The following ATP2B2 variants were observed in gnomAD, a reference collection of about 807,000 sequenced individuals.
ATP2B2 encodes plasma membrane calcium-transporting ATPase 2.
ATP2B2 carries 15 observed loss-of-function variants against 120.0 expected under a neutral mutation model. The ratio of observed to expected loss-of-function variants is 0.12; its 90% CI spans 0.08 to 0.19. The LOEUF is 0.19. Among genes scored for constraint, ATP2B2 ranks in the 10% least tolerant of loss-of-function variants. ATP2B2 has a pLI of 1.00. For missense variants in ATP2B2, 1,045 were observed against 1,719.8 expected (o/e 0.61, Z 6.94); for synonymous variants, 694 against 700.3 (o/e 0.99, Z 0.14).
At chr3:10,569,706 G>T (rs1467434343) in intron 2 of ATP2B2, among the ~76,000 whole-genome samples, 2 of 152,136 alleles carry the variant, frequency 1.3e-5, no homozygotes, top group Non-Finnish European at 2.9e-5. Context: ...GGGCTCAGGT[G>T]TAACACTCTG....
chr3:10,681,979 C>G (rs561112185), intron 1 of ATP2B2, among the ~76,000 whole-genome samples: 99 of 152,286 alleles, frequency 6.5e-4, no homozygotes, highest in African/African-American at 2.3e-3. Context: ...GTAGGGCGAT[C>G]AGAGATACCT....
Position 10,565,756 on chromosome 3 carries a change from T to C in ATP2B2, c.-414-31623A>G, listed in dbSNP as rs531504619. On this transcript the variant is annotated intron_variant, in intron 2 of 21. Transcript: ENST00000646379. ...CTTGGCTTCACCTATTGCTAGCTGG[T>C]GACTTGGCTAAGTTACTTCAACAAA... Among the ~76,000 whole-genome samples, 8 of 152,294 alleles carry C rather than the reference T, an allele frequency of 5.3e-5. No individual in the cohort carries two copies. The Middle Eastern group carries it at 0.02, about 389-fold the overall frequency.
intron 3 of ATP2B2, among the ~76,000 whole-genome samples, chr3:10,529,974 C>A (rs4684709): frequency 0.27 from 41,432 of 152,070 alleles, 5,794 homozygotes; most frequent in East Asian, 0.33. Flanking sequence ...AGTCAGCCTC[C>A]CCATCCTCGG....
intron 22 of ATP2B2, among the ~76,000 whole-genome samples, chr3:10,331,742 G>GGGCGT (rs2059986375): frequency 6.8e-6 from 1 of 146,514 alleles, no homozygotes; most frequent in African/African-American, 2.6e-5. Flanking sequence ...AGCTGCATTT[G>GGGCGT]GGCGTGGGGG....
At chr3:10,571,523 C>T (rs1299723922) in intron 2 of ATP2B2, among the ~76,000 whole-genome samples, 1 of 152,198 alleles carries the variant, frequency 6.6e-6, no homozygotes, top group Non-Finnish European at 1.5e-5. Context: ...GTGAGCAAGG[C>T]ATGGACATGG....
chr3:10,669,138 A>T (rs2071026642), intron 1 of ATP2B2, among the ~76,000 whole-genome samples: 1 of 152,160 alleles, frequency 6.6e-6, no homozygotes, highest in Non-Finnish European at 1.5e-5. Flanking sequence ...AGTCCTTGAG[A>T]AACCAGGGTT....
intron 1 of ATP2B2, among the ~76,000 whole-genome samples, chr3:10,493,297 G>A (rs1486177371): frequency 1.3e-5 from 2 of 152,130 alleles, no homozygotes; most frequent in African/African-American, 4.8e-5. Context: ...GCCTTAATGA[G>A]GAATTACCAC....
chr3:10,374,347 A>T (rs2061325379), intron 11 of ATP2B2, among the ~76,000 whole-genome samples: 1 of 152,198 alleles, frequency 6.6e-6, no homozygotes, highest in African/African-American at 2.4e-5. Flanking sequence ...TAAAACAGGA[A>T]GACGATAAGG....
intron 2 of ATP2B2, among the ~76,000 whole-genome samples, chr3:10,557,892 C>T (rs907744847): frequency 2.0e-5 from 3 of 152,028 alleles, no homozygotes; most frequent in Non-Finnish European, 4.4e-5. Context: ...GGAGGGCAAA[C>T]TCGAAGATCA....
At chr3:10,349,496 C>T (rs1258959202) in intron 16 of ATP2B2, among the ~76,000 whole-genome samples, 1 of 151,886 alleles carries the variant, frequency 6.6e-6, no homozygotes, top group Admixed American at 6.6e-5. Flanking sequence ...GTGCCCAGGA[C>T]CTGGCCACCT....
At chr3:10,461,422 G>A (rs958179446) in intron 1 of ATP2B2, among the ~76,000 whole-genome samples, 2 of 152,238 alleles carry the variant, frequency 1.3e-5, no homozygotes, top group African/African-American at 4.8e-5. Flanking sequence ...AGGAGCAGCT[G>A]AGAGCACGTG....
In ATP2B2 at chr3:10,382,910, C is replaced by T. The variant is rs191927252; in HGVS notation, c.1000+2358G>A. On this transcript the variant is annotated intron_variant, in intron 8 of 22. Coordinates refer to ENST00000360273, the MANE Select transcript of ATP2B2 (RefSeq NM_001001331.4). ...CTCAGAGGAAGGAGGGGAAAGAACACTTAATTCTCTCTCAATCGGCAAGGT... is the reference window on the plus strand; with the variant it reads ...CTCAGAGGAAGGAGGGGAAAGAACATTTAATTCTCTCTCAATCGGCAAGGT... 3.3e-5 allele frequency among the ~76,000 whole-genome samples: 5 copies of T among 151,774 alleles called. No individual in the cohort carries two copies. In the East Asian group the frequency reaches 9.7e-4, roughly 29 times the overall value.
At chr3:10,395,390 ATCAATGTCAAG>A in intron 5 of ATP2B2, among the ~76,000 whole-genome samples, 1 of 152,334 alleles carries the variant, frequency 6.6e-6, no homozygotes, top group Admixed American at 6.5e-5. Flanking sequence ...ACAGTACCGA[ATCAATGTCAAG>A]TTTCCTGAAT....
intron 1 of ATP2B2, among the ~76,000 whole-genome samples, chr3:10,632,831 C>T (rs990056939): frequency 6.6e-6 from 1 of 152,204 alleles, no homozygotes; most frequent in African/African-American, 2.4e-5. Flanking sequence ...GTGGTGACAG[C>T]CCCGGAATAG....
chr3:10,488,782 A>T (rs1559403503), intron 1 of ATP2B2, among the ~76,000 whole-genome samples: 1 of 151,492 alleles, frequency 6.6e-6, no homozygotes, highest in Non-Finnish European at 1.5e-5. Context: ...ATCCTCTCTC[A>T]CCACACTCAT....
At chr3:10,672,919 G>A (rs1254903874) in intron 1 of ATP2B2, among the ~76,000 whole-genome samples, 2 of 152,160 alleles carry the variant, frequency 1.3e-5, no homozygotes, top group East Asian at 3.9e-4. Context: ...TCGGGGGAAA[G>A]GATGCTCCCA....
chr3:10,511,667 G>A (rs977912384), intron 3 of ATP2B2, among the ~76,000 whole-genome samples: 1 of 152,130 alleles, frequency 6.6e-6, no homozygotes, highest in Non-Finnish European at 1.5e-5. Context: ...GTCCCAACTG[G>A]GACCAGCGTG....
At chr3:10,492,236 G>T (rs1332655123) in intron 1 of ATP2B2, among the ~76,000 whole-genome samples, 6 of 152,090 alleles carry the variant, frequency 3.9e-5, no homozygotes, top group Admixed American at 3.9e-4. Context: ...GGAGAAGCTG[G>T]GGGCTTTTCG....
rs115089760 is a variant in ATP2B2 at position 10,441,520 on chromosome 3, G to A, written c.199+7825C>T. Reference sequence around the variant, plus strand: ...CTCCCAAAGTGCTGGGATTACTGGTGCGAGCCACTGCACCCGACATTTCCT... The same window carrying A: ...CTCCCAAAGTGCTGGGATTACTGGTACGAGCCACTGCACCCGACATTTCCT... On this transcript the variant is annotated intron_variant, in intron 2 of 22. Transcript: ENST00000360273. Among the ~76,000 whole-genome samples, 619 of 152,286 alleles carry A rather than the reference G, an allele frequency of 4.1e-3. 6 individuals carry two copies. The highest frequency in any genetic ancestry group is 0.014 in the African/African-American group (581 of 41,566).
Sources: allele counts gnomAD v4.1 joint callset (sites outside exome capture counted in the v4.1 genomes callset), GRCh38; gene constraint gnomAD v4.1.1; transcripts MANE v1.5; gene names NCBI Gene and HGNC (gene_info 2026-07-23, HGNC 2026-07-21).